The following KALRN variants were observed in gnomAD, a reference collection of about 807,000 sequenced individuals.
The protein encoded by KALRN is kalirin RhoGEF kinase, also known as kalirin.
In KALRN, 70 loss-of-function variants were observed where a neutral mutation model predicts 353.7. The ratio of observed to expected loss-of-function variants is 0.20; its 90% CI spans 0.16 to 0.24. The LOEUF (loss-of-function observed/expected upper bound fraction) is 0.24, where lower values mean the gene tolerates loss of function less well. KALRN is among the 10% of genes least tolerant of loss of function. The pLI, the probability that KALRN is intolerant of heterozygous loss-of-function variation, is 1.00. For synonymous variants in KALRN, 1,391 were observed against 1,434.8 expected, an observed-to-expected ratio of 0.97 and a Z score of 0.69; for missense variants, 2,791 against 3,756.7, an observed-to-expected ratio of 0.74 and a Z score of 6.72.
At chr3:124,387,321 G>T (rs74327502) in intron 11 of KALRN, among the ~76,000 whole-genome samples, 2,084 of 152,332 alleles carry the variant, frequency 0.014, 44 homozygotes, top group African/African-American at 0.048. Flanking sequence ...AGAAGGAGTG[G>T]TGTGATACAG....
chr3:124,458,183 G>A (rs556259029), intron 23 of KALRN, among the ~76,000 whole-genome samples: 218 of 150,484 alleles, frequency 1.4e-3, no homozygotes, highest in Middle Eastern at 0.014. Flanking sequence ...GGCTGAGGCA[G>A]GAGAATTGCT....
intron 33 of KALRN, among the ~76,000 whole-genome samples, chr3:124,545,295 C>T (rs1270598539): frequency 2.0e-5 from 3 of 152,156 alleles, no homozygotes; most frequent in Non-Finnish European, 2.9e-5. Flanking sequence ...TATGTTCTTC[C>T]TCCTTTGCTG....
intron 31 of KALRN, among the ~76,000 whole-genome samples, chr3:124,492,200 T>A (rs371073784): frequency 2.6e-4 from 39 of 152,128 alleles, no homozygotes; most frequent in African/African-American, 9.4e-4. Flanking sequence ...AGAAAAAAAA[T>A]TCTACCAAGA....
intron 33 of KALRN, among the ~76,000 whole-genome samples, chr3:124,540,331 C>G (rs1178979347): frequency 6.6e-6 from 1 of 152,162 alleles, no homozygotes; most frequent in Non-Finnish European, 1.5e-5. Context: ...AAATATATGT[C>G]AGGGTAGCCA....
At chr3:124,679,092 C>T (rs1332997072) in intron 50 of KALRN, among the ~76,000 whole-genome samples, 2 of 152,162 alleles carry the variant, frequency 1.3e-5, no homozygotes, top group African/African-American at 4.8e-5. Context: ...AAAGTAAGAA[C>T]AACTAAAACC....
intron 32 of KALRN, among the ~76,000 whole-genome samples, chr3:124,494,339 C>A (rs2063490748): frequency 6.6e-6 from 1 of 152,172 alleles, no homozygotes; most frequent in African/African-American, 2.4e-5. Flanking sequence ...TACCCACAGT[C>A]CTAGGTGGCC....
intron 34 of KALRN, among the ~76,000 whole-genome samples, chr3:124,609,362 C>T (rs2077685370): frequency 6.6e-6 from 1 of 152,134 alleles, no homozygotes; most frequent in Non-Finnish European, 1.5e-5. Context: ...ACATAAATCC[C>T]CTCTTCCATG....
chr3:124,469,157 A>C (rs929844352), intron 25 of KALRN, among the ~76,000 whole-genome samples: 3 of 152,250 alleles, frequency 2.0e-5, no homozygotes, highest in Non-Finnish European at 2.9e-5. Context: ...CTGATCACAC[A>C]AATTAGACAA....
In KALRN at chr3:124,696,381, C is replaced by T. The variant is rs550506562; in HGVS notation, c.7699+126C>T. 8.4e-6 allele frequency: 6 copies of T among 711,302 alleles called. 1 individual carries two copies. The South Asian group carries it at 1.7e-4, about 20-fold the overall frequency. The allele number at this position is 711,302 out of a possible 1,614,324, so 44.1% of individuals were successfully genotyped here. On this transcript the variant is annotated intron_variant, in intron 54 of 59. Transcript: ENST00000682506. The stretch of plus-strand genomic sequence containing the variant: ...GACCTCCCAGGCTCAAGCACTCCAA[C>T]CACCTCAGCCTCCCGATTAGCTGGA...
intron 33 of KALRN, among the ~76,000 whole-genome samples, chr3:124,530,901 G>A (rs2067989705): frequency 6.6e-6 from 1 of 152,150 alleles, no homozygotes; most frequent in African/African-American, 2.4e-5. Flanking sequence ...TATCTGTTGG[G>A]ATAAGCCAAG....
intron 39 of KALRN, among the ~76,000 whole-genome samples, chr3:124,655,880 A>G (rs183440813): frequency 3.3e-5 from 5 of 152,324 alleles, no homozygotes; most frequent in Non-Finnish European, 5.9e-5. Flanking sequence ...AGTGGCCTGA[A>G]TGTTATAGCA....
chr3:124,390,101 G>C (rs2089117383), intron 11 of KALRN, among the ~76,000 whole-genome samples: 1 of 152,192 alleles, frequency 6.6e-6, no homozygotes, highest in Admixed American at 6.5e-5. Context: ...GGTCTGGAGA[G>C]CTAGAGCAAG....
chr3:124,636,434 A>C (rs1308169522), intron 36 of KALRN, among the ~76,000 whole-genome samples: 1 of 152,122 alleles, frequency 6.6e-6, no homozygotes, highest in African/African-American at 2.4e-5. Context: ...ACAACTCCTC[A>C]CTGCTGGTGC....
intron 45 of KALRN, among the ~76,000 whole-genome samples, chr3:124,664,370 T>TGTGTGTGTGTGCGCGC (rs370394911): frequency 1.5e-5 from 2 of 129,534 alleles, no homozygotes; most frequent in South Asian, 5.6e-4. Flanking sequence ...TGTGTGTGTG[T>TGTGTGTGTGTGCGCGC]GCGCGCGCGC....
At chr3:124,220,864 C>T (rs1022108866) in intron 1 of KALRN, among the ~76,000 whole-genome samples, 3 of 152,196 alleles carry the variant, frequency 2.0e-5, no homozygotes, top group African/African-American at 7.2e-5. Context: ...GGGGCCAAGT[C>T]CCAACCTCCC....
intron 2 of KALRN, among the ~76,000 whole-genome samples, chr3:124,230,866 A>C (rs1223390121): frequency 4.1e-5 from 5 of 120,904 alleles, no homozygotes; most frequent in East Asian, 2.3e-4. Flanking sequence ...CCAAAAAAAA[A>C]AAAAACAAAA....
At chr3:124,054,796 A>G (rs1319594125) in intron 1 of KALRN, among the ~76,000 whole-genome samples, 3 of 152,182 alleles carry the variant, frequency 2.0e-5, no homozygotes, top group Non-Finnish European at 2.9e-5. Context: ...GAATGGTTAT[A>G]TATTCTTTTC....
At chr3:124,396,983 A>G (rs781060822) in intron 12 of KALRN, among the ~76,000 whole-genome samples, 1 of 152,244 alleles carries the variant, frequency 6.6e-6, no homozygotes, top group African/African-American at 2.4e-5. Flanking sequence ...CACCAGAAAC[A>G]TCTTCCCTAT....
intron 13 of KALRN, chr3:124,410,292 G>A: frequency 1.9e-6 from 1 of 532,308 alleles, no homozygotes; most frequent in Admixed American, 1.9e-5. Context: ...CTCAGACTCA[G>A]TTTCACAGAA....
Sources: allele counts gnomAD v4.1 joint callset (sites outside exome capture counted in the v4.1 genomes callset), GRCh38; gene constraint gnomAD v4.1.1; transcripts MANE v1.5; gene names NCBI Gene and HGNC (gene_info 2026-07-23, HGNC 2026-07-21).